Variants in PTPRS observed in about 807,000 individuals in gnomAD.
The protein encoded by PTPRS is protein tyrosine phosphatase receptor type S, also known as receptor-type tyrosine-protein phosphatase S.
PTPRS carries 63 observed loss-of-function variants against 215.3 expected under a neutral mutation model. That is an observed-to-expected ratio of 0.29 (90% CI 0.24 to 0.36). The LOEUF is 0.36. Among genes scored for constraint, PTPRS ranks in the 10% least tolerant of loss-of-function variants. The pLI, the probability that PTPRS is intolerant of heterozygous loss-of-function variation, is 1.00. For synonymous variants in PTPRS, 1,404 were observed against 1,191.4 expected (o/e 1.18, Z -3.68); for missense variants, 2,258 against 2,825.8 (o/e 0.80, Z 4.56).
chr19:5,236,146 C>G (rs377006763), intron 13 of PTPRS, among the ~76,000 whole-genome samples: 104 of 152,356 alleles, frequency 6.8e-4, no homozygotes, highest in African/African-American at 2.4e-3. Flanking sequence ...GCTGGGCTTT[C>G]TACAGTCACT....
intron 1 of PTPRS, among the ~76,000 whole-genome samples, chr19:5,302,963 G>A (rs185135080): frequency 1.3e-5 from 2 of 151,694 alleles, no homozygotes; most frequent in Admixed American, 6.6e-5. Flanking sequence ...CCAGCTACTC[G>A]GGAGGCTGAG....
chr19:5,222,028 T>C (rs1279949589), intron 19 of PTPRS, 95 bp downstream of exon 19: 1 of 1,014,492 alleles, frequency 9.9e-7, no homozygotes, highest in Non-Finnish European at 1.5e-6. Flanking sequence ...CCCTGATCCC[T>C]CACTTCACAC....
chr19:5,289,885 T>C (rs1372743297), intron 1 of PTPRS, among the ~76,000 whole-genome samples: 2 of 152,190 alleles, frequency 1.3e-5, no homozygotes, highest in African/African-American at 4.8e-5. Flanking sequence ...TACGTGGCCC[T>C]GGGCAGGGAG....
intron 30 of PTPRS, among the ~76,000 whole-genome samples, chr19:5,213,889 G>A (rs563440605): frequency 6.2e-4 from 94 of 152,326 alleles, no homozygotes; most frequent in Admixed American, 1.2e-3. Context: ...AGATGGAACC[G>A]CACTATGGAC....
At chr19:5,239,303 G>A (rs1420728477) in intron 12 of PTPRS, among the ~76,000 whole-genome samples, 1 of 151,436 alleles carries the variant, frequency 6.6e-6, no homozygotes, top group Non-Finnish European at 1.5e-5. Flanking sequence ...GGTACGGAGA[G>A]AGACAGAGAC....
rs1444497360 is a variant in PTPRS at position 5,244,143 on chromosome 19, A to T, written c.1328T>A (p.Met443Lys). Residue 443 changes from methionine to lysine, a missense_variant, in exon 11 of 38, where the codon ATG becomes AAG. Transcript: ENST00000262963. This position sits in a 1 kb window ranked among gnomAD's most constrained non-coding sequence, Gnocchi z 7.2. ...VQARMLSATT[M>K]IVQWEEPVEP... ...CACCGGCTCCTCCCACTGCACAATC[A>T]TGGTGGTCGCGCTGAGCATCCGGGC... 6.2e-7 allele frequency: 1 copy of T among 1,603,420 alleles called. No individual in the cohort carries two copies. The highest frequency in any genetic ancestry group is 1.7e-5 in the Admixed American group (1 of 59,622).
chr19:5,289,024 G>A (rs1297321899), intron 1 of PTPRS, among the ~76,000 whole-genome samples: 1 of 150,954 alleles, frequency 6.6e-6, no homozygotes, highest in Non-Finnish European at 1.5e-5. Context: ...GGAGCATTTG[G>A]GGCATTGGAT....
At chr19:5,296,758 C>T (rs1031249151) in intron 1 of PTPRS, among the ~76,000 whole-genome samples, 6 of 151,898 alleles carry the variant, frequency 4.0e-5, no homozygotes, top group African/African-American at 1.2e-4. Flanking sequence ...GGACAAGATG[C>T]GCACGGCCTC....
At chr19:5,291,737 G>A (rs1385356587) in intron 1 of PTPRS, among the ~76,000 whole-genome samples, 2 of 151,098 alleles carry the variant, frequency 1.3e-5, no homozygotes, top group Non-Finnish European at 3.0e-5. Flanking sequence ...GCCACGAGAT[G>A]CCTCCACTCC....
intron 4 of PTPRS, among the ~76,000 whole-genome samples, chr19:5,266,498 C>T (rs1456502356): frequency 6.6e-6 from 1 of 151,912 alleles, no homozygotes; most frequent in Non-Finnish European, 1.5e-5. Context: ...GTCGGCCAGG[C>T]TGGAAGGCAG....
rs1388133678 is a variant in PTPRS at position 5,206,283 on chromosome 19, TA to T, written c.*490del. 2.6e-5 allele frequency: 6 copies of T among 227,844 alleles called. No homozygotes were observed. The highest frequency in any genetic ancestry group is 6.7e-5 in the African/African-American group (3 of 44,760). The allele number at this position is 227,844 out of a possible 1,614,324, so 14.1% of individuals were successfully genotyped here. On this transcript the variant is annotated 3_prime_UTR_variant, in exon 38 of 38. Transcript: ENST00000262963. ...AAAATGGAAAAAAAAATACACTATTTAAAAAAAATGAAATGTCACGGGATAC... is the reference window on the plus strand; with the variant it reads ...AAAATGGAAAAAAAAATACACTATTTAAAAAAATGAAATGTCACGGGATAC...
intron 1 of PTPRS, among the ~76,000 whole-genome samples, chr19:5,298,957 C>T (rs373528174): frequency 1.3e-5 from 2 of 152,178 alleles, no homozygotes; most frequent in Admixed American, 1.3e-4. Flanking sequence ...AATACTCTCA[C>T]GTTTGTCTCC....
intron 1 of PTPRS, among the ~76,000 whole-genome samples, chr19:5,310,301 TCTAG>T (rs572652450): frequency 4.4e-4 from 66 of 150,492 alleles, no homozygotes; most frequent in African/African-American, 1.4e-3. Context: ...AACCAATTCC[TCTAG>T]CTTTTTTCTT....
chr19:5,254,911 A>G (rs2045434379), intron 9 of PTPRS, among the ~76,000 whole-genome samples: 1 of 152,220 alleles, frequency 6.6e-6, no homozygotes, highest in African/African-American at 2.4e-5. Context: ...TTTGAGTGCC[A>G]ATTACACACC....
intron 1 of PTPRS, among the ~76,000 whole-genome samples, chr19:5,340,357 G>A (rs1435494597): frequency 1.3e-5 from 2 of 151,136 alleles, no homozygotes; most frequent in African/African-American, 2.4e-5. Context: ...CCAATGCCGC[G>A]CTCTGGGCGC....
chr19:5,294,169 C>G lies in PTPRS; in HGVS notation c.-94-7935G>C, dbSNP rs1371173161. 1 of 152,270 alleles carries G rather than the reference C, an allele frequency of 6.6e-6. No individual in the cohort carries two copies. Among genetic ancestry groups the G allele is most frequent in the Non-Finnish European group, 1.5e-5 (1 of 68,076 alleles). 9.4% of individuals were successfully genotyped at this position (152,270 alleles called of 1,614,324 possible). A position where few individuals can be genotyped will look rare whatever the true frequency, so the allele number is the denominator to read the frequency against. On this transcript the variant is annotated intron_variant, in intron 1 of 37. Transcript: ENST00000262963. This position sits in a 1 kb window ranked among gnomAD's most constrained non-coding sequence, Gnocchi z 5.1. ...CAGCATTCGCGCTGAGGACGAAGCC[C>G]GAACGCCAACGCCAACGGGATGTCC...
chr19:5,287,695 T>A lies in PTPRS; in HGVS notation c.-94-1461A>T, dbSNP rs2048459462. On this transcript the variant is annotated intron_variant, in intron 1 of 37. Coordinates refer to ENST00000262963, the MANE Select transcript of PTPRS (RefSeq NM_002850.4). The surrounding 1 kb of genome is among the most constrained non-coding windows in gnomAD (Gnocchi z 4.8). ...GTCACCTCGCCCAGCCCTGGGGCGGTCCCAGGGGAAGGATGGGCGGGTAGT... is the reference window on the plus strand; with the variant it reads ...GTCACCTCGCCCAGCCCTGGGGCGGACCCAGGGGAAGGATGGGCGGGTAGT... 6.6e-6 allele frequency among the ~76,000 whole-genome samples: 1 copy of A among 151,644 alleles called. No homozygotes were observed. The highest frequency in any genetic ancestry group is 2.1e-4 in the South Asian group (1 of 4,782).
intron 2 of PTPRS, among the ~76,000 whole-genome samples, chr19:5,279,076 C>T (rs1343085521): frequency 6.6e-6 from 1 of 151,728 alleles, no homozygotes; most frequent in African/African-American, 2.4e-5. Context: ...ATCCCCGCTA[C>T]TCAGGAGGCT....
At chr19:5,267,530 G>A (rs1313530402) in intron 4 of PTPRS, among the ~76,000 whole-genome samples, 2 of 151,918 alleles carry the variant, frequency 1.3e-5, no homozygotes, top group East Asian at 1.9e-4. Context: ...GGTGGCGGAC[G>A]CCTGTAATCC....
Sources: allele counts gnomAD v4.1 joint callset (sites outside exome capture counted in the v4.1 genomes callset), GRCh38; gene constraint gnomAD v4.1.1; non-coding constraint Gnocchi (gnomAD v3.1); transcripts MANE v1.5; gene names NCBI Gene and HGNC (gene_info 2026-07-23, HGNC 2026-07-21).